Variants in MYL3 observed in about 807,000 individuals in gnomAD.
The protein encoded by MYL3 is myosin light chain 3, also known as CMLC1.
A neutral mutation model predicts 21.3 loss-of-function variants in MYL3; 11 were observed. The ratio of observed to expected loss-of-function variants is 0.52; its 90% CI spans 0.32 to 0.85. The LOEUF (loss-of-function observed/expected upper bound fraction) is 0.85. MYL3 is among the 40% of genes least tolerant of loss of function. The probability of loss-of-function intolerance (pLI) is 0.03; values close to 1 mark genes in which losing one functional copy is unlikely to be tolerated. For synonymous variants in MYL3, 88 were observed against 91.6 expected (o/e 0.96, Z 0.22); for missense variants, 206 against 253.3 (o/e 0.81, Z 1.27).
At chr3:46,858,123 AT>A in intron 6 of MYL3, 22 bp from the exon 7 acceptor site, 3 of 1,307,466 alleles carry the variant, frequency 2.3e-6, no homozygotes, top group Non-Finnish European at 3.3e-6. Flanking sequence ...GGCAGTGCAG[AT>A]TACAGAGGAG....
At chr3:46,875,870 C>A (rs947660543) in intron 1 of MYL3, among the ~76,000 whole-genome samples, 1 of 152,194 alleles carries the variant, frequency 6.6e-6, no homozygotes, top group Admixed American at 6.5e-5. Context: ...CGGAGGGGGC[C>A]GGGCCCGAGT....
chr3:46,875,142 G>A (rs1025910437), intron 1 of MYL3, among the ~76,000 whole-genome samples: 24 of 152,224 alleles, frequency 1.6e-4, no homozygotes, highest in Non-Finnish European at 7.3e-5. Flanking sequence ...ATTGAACACT[G>A]TTGCTGCCTC....
Position 46,863,302 on chromosome 3 carries a change from T to G in MYL3, c.89A>C (p.Glu30Ala). ...ATCAAACTCGACCTCCTTAGGGCGC[T>G]CAGGCTCAGGGGGAGGTGCGGGAGC... ...APAPAPPPEP[E>A]RPKEVEFDAS... Residue 30 changes from glutamate to alanine, a missense_variant, in exon 1 of 7, where the codon GAG (glutamate) becomes GCG (alanine). Glu to Ala is a moderately radical substitution (Grantham distance 107, BLOSUM62 -1). Coordinates refer to ENST00000292327, the MANE Select transcript of MYL3 (RefSeq NM_000258.3). The G allele has an allele frequency of 6.2e-7, 1 of 1,614,130 alleles. No homozygotes were observed.
In MYL3 at chr3:46,882,091, C is replaced by T. The variant is rs2030613321; in HGVS notation, c.-235G>A. On this transcript the variant is annotated 5_prime_UTR_variant, in exon 1 of 4. Coordinates refer to the MYL3 transcript ENST00000431168. The surrounding 1 kb of genome is among the most constrained non-coding windows in gnomAD (Gnocchi z 4.3). Reference sequence around the variant, plus strand: ...GCACTCACATCCCGCCGCCGTAAGACTCCGGGCCTCGGCCTCTAGCGCAAT... The same window carrying T: ...GCACTCACATCCCGCCGCCGTAAGATTCCGGGCCTCGGCCTCTAGCGCAAT... 6.6e-6 allele frequency: 1 copy of T among 152,176 alleles called. No homozygotes were observed. 9.4% of individuals were successfully genotyped at this position (152,176 alleles called of 1,614,324 possible). A position where few individuals can be genotyped will look rare whatever the true frequency, so the allele number is the denominator to read the frequency against.
chr3:46,878,358 C>T (rs375293517), intron 1 of MYL3, among the ~76,000 whole-genome samples: 13 of 152,236 alleles, frequency 8.5e-5, no homozygotes, highest in African/African-American at 3.1e-4. Flanking sequence ...GCCTAGAAGC[C>T]GAGAGAGGTC....
upstream of MYL3, chr3:46,866,729 G>A (rs1339972781): frequency 6.6e-6 from 1 of 152,246 alleles, no homozygotes; most frequent in Admixed American, 6.5e-5. Context: ...CGGAGAGATG[G>A]GGAGATTTGC....
chr3:46,861,660 G>T lies in MYL3; in HGVS notation c.130-673C>A, dbSNP rs1701994037. 6.6e-6 allele frequency among the ~76,000 whole-genome samples: 1 copy of T among 152,158 alleles called. No individual in the cohort carries two copies. The highest frequency in any genetic ancestry group is 2.1e-4 in the South Asian group (1 of 4,822). On this transcript the variant is annotated intron_variant, in intron 1 of 6. Transcript: ENST00000292327. The surrounding 1 kb of genome is among the most constrained non-coding windows in gnomAD (Gnocchi z 4.2). Reference sequence around the variant, plus strand: ...GACAGCACAGGGCCAGGGCAGTGCTGCTGAGTGTTTGCTGAAGTCACATTG... The same window carrying T: ...GACAGCACAGGGCCAGGGCAGTGCTTCTGAGTGTTTGCTGAAGTCACATTG...
At chr3:46,863,938 T>C (rs1011767583), upstream of MYL3, among the ~76,000 whole-genome samples, 5 of 151,802 alleles carry the variant, frequency 3.3e-5, no homozygotes, top group African/African-American at 4.8e-5. Context: ...GAAGTCAGCA[T>C]GTGTCTGTGT....
intron 1 of MYL3, chr3:46,880,206 GT>G (rs1175551040): frequency 6.6e-6 from 1 of 152,286 alleles, no homozygotes. Context: ...AACGGAGGAT[GT>G]GGGCACACAA....
Position 46,859,769 on chromosome 3 carries a change from T to C in MYL3, c.308-121A>G. 8.5e-7 allele frequency: 1 copy of C among 1,179,624 alleles called. No individual in the cohort carries two copies. The highest frequency in any genetic ancestry group is 1.3e-6 in the Non-Finnish European group (1 of 793,802). The allele number at this position is 1,179,624 out of a possible 1,614,324, so 73.1% of individuals were successfully genotyped here. A position where few individuals can be genotyped will look rare whatever the true frequency, so the allele number is the denominator to read the frequency against. ...ACAGTTCTACAACAGTCTACACCAG[T>C]TCTCACAGCAGTCTACACCAGTTTG... On this transcript the variant is annotated intron_variant, in intron 3 of 6. Coordinates refer to ENST00000292327, the MANE Select transcript of MYL3 (RefSeq NM_000258.3). This position sits in a 1 kb window ranked among gnomAD's most constrained non-coding sequence, Gnocchi z 4.1.
In MYL3 at chr3:46,860,952, C is replaced by G. The variant is rs777555567; in HGVS notation, c.157+8G>C. The stretch of plus-strand genomic sequence containing the variant: ...CCTGCAACCCCTGGGTTCAAGACCC[C>G]TGCTCACCTTCAATCTGCTCAGGTG... On this transcript the variant is annotated splice_region_variant and intron_variant, in intron 2 of 6. Transcript: ENST00000292327. This position sits in a 1 kb window ranked among gnomAD's most constrained non-coding sequence, Gnocchi z 4.6. 74 of 1,614,138 alleles carry G rather than the reference C, an allele frequency of 4.6e-5. No individual in the cohort carries two copies. The Admixed American group carries it at 1.2e-3, about 27-fold the overall frequency.
rs375395589 is a variant in MYL3, at chr3:46,860,672, C to A, written c.307+4G>T. The A allele has an allele frequency of 1.9e-6, 3 of 1,613,422 alleles. No homozygotes were observed. Among genetic ancestry groups the A allele is most frequent in the Non-Finnish European group, 1.7e-6 (2 of 1,180,034 alleles). Reference sequence around the variant, plus strand: ...CTATGGGGGCTCTCGGGCAGGTGCACTACCTTCCTGTCTTGGCTTCCCCAG... The same window carrying A: ...CTATGGGGGCTCTCGGGCAGGTGCAATACCTTCCTGTCTTGGCTTCCCCAG... On this transcript the variant is annotated splice_donor_region_variant and intron_variant, in intron 3 of 6. Coordinates refer to ENST00000292327, the MANE Select transcript of MYL3 (RefSeq NM_000258.3). The surrounding 1 kb of genome is among the most constrained non-coding windows in gnomAD (Gnocchi z 4.6).
chr3:46,870,931 C>T (rs528615214), intron 1 of MYL3, among the ~76,000 whole-genome samples: 11 of 152,176 alleles, frequency 7.2e-5, no homozygotes, highest in Non-Finnish European at 1.2e-4. Flanking sequence ...AGAGCAGGCA[C>T]GCTGTACCAC....
chr3:46,860,026 G>C lies in MYL3; in HGVS notation c.308-378C>G, dbSNP rs979565194. ...GGGTCAGGAGCAGCTAGGCCAATCA[G>C]AGACCTTCCCTGGGACTTTTGAACC... On this transcript the variant is annotated intron_variant, in intron 3 of 6. Coordinates refer to ENST00000292327, the MANE Select transcript of MYL3 (RefSeq NM_000258.3). The surrounding 1 kb of genome is among the most constrained non-coding windows in gnomAD (Gnocchi z 4.6). Among the ~76,000 whole-genome samples the C allele has an allele frequency of 3.3e-5, 5 of 151,378 alleles. No homozygotes were observed. The highest frequency in any genetic ancestry group is 5.9e-5 in the Non-Finnish European group (4 of 67,980).
Position 46,874,698 on chromosome 3 carries a change from C to T in MYL3, c.-218+7376G>A, listed in dbSNP as rs973393239. Among the ~76,000 whole-genome samples, 2 of 152,168 alleles carry T rather than the reference C, an allele frequency of 1.3e-5. No homozygotes were observed. Among genetic ancestry groups the T allele is most frequent in the Admixed American group, 6.5e-5 (1 of 15,290 alleles). Reference sequence around the variant, plus strand: ...GAGAGGCGGAAACACGTGTCAAACACGCCTGGGAGGGGGTATTCCGAGGCA... The same window carrying T: ...GAGAGGCGGAAACACGTGTCAAACATGCCTGGGAGGGGGTATTCCGAGGCA... On this transcript the variant is annotated intron_variant, in intron 1 of 3. Transcript: ENST00000431168. The surrounding 1 kb of genome is among the most constrained non-coding windows in gnomAD (Gnocchi z 4.1).
rs911119001 is a variant in MYL3 at position 46,858,230 on chromosome 3, C to T, written c.*13+1G>A. The T allele has an allele frequency of 2.5e-6, 4 of 1,614,120 alleles. No individual in the cohort carries two copies. Among genetic ancestry groups the T allele is most frequent in the Non-Finnish European group, 3.4e-6 (4 of 1,180,000 alleles). ...GGGTTCAGGAGGGAGTGGGTGCCTA[C>T]CTGGGCACGAGGTTTAGCTGGACAT... On this transcript the variant is annotated splice_donor_variant, in intron 6 of 6. Coordinates refer to ENST00000292327, the MANE Select transcript of MYL3 (RefSeq NM_000258.3). LOFTEE classifies it low-confidence loss of function (3UTR_SPLICE).
In MYL3 at chr3:46,861,088, C is replaced by A; in HGVS notation, c.130-101G>T. 7.9e-6 allele frequency: 11 copies of A among 1,385,942 alleles called. No homozygotes were observed. Among genetic ancestry groups the A allele is most frequent in the Non-Finnish European group, 1.1e-5 (11 of 978,562 alleles). The allele number at this position is 1,385,942 out of a possible 1,614,324, so 85.9% of individuals were successfully genotyped here. A position where few individuals can be genotyped will look rare whatever the true frequency, so the allele number is the denominator to read the frequency against. On this transcript the variant is annotated intron_variant, in intron 1 of 6. Coordinates refer to ENST00000292327, the MANE Select transcript of MYL3 (RefSeq NM_000258.3). The surrounding 1 kb of genome is among the most constrained non-coding windows in gnomAD (Gnocchi z 4.2). ...CAGCCCAGAATGTCAACTGTCTCAGCCTGTCCCATTCCAGCATCCCAGCCT... is the reference window on the plus strand; with the variant it reads ...CAGCCCAGAATGTCAACTGTCTCAGACTGTCCCATTCCAGCATCCCAGCCT...
intron 1 of MYL3, among the ~76,000 whole-genome samples, chr3:46,881,920 G>T (rs894479963): frequency 2.0e-5 from 3 of 152,148 alleles, no homozygotes; most frequent in Non-Finnish European, 2.9e-5. Context: ...CTCGGCTCAG[G>T]GTCTCTATTC....
In MYL3 at chr3:46,868,959, G is replaced by A. The variant is rs1357381424; in HGVS notation, c.-217-2359C>T. 3.9e-5 allele frequency among the ~76,000 whole-genome samples: 6 copies of A among 152,340 alleles called. No individual in the cohort carries two copies. The East Asian group carries it at 9.6e-4, about 24-fold the overall frequency. On this transcript the variant is annotated intron_variant, in intron 1 of 3. Transcript: ENST00000431168. Reference sequence around the variant, plus strand: ...CTGGATGGGTGAGGTTCGGGATACCGGGGTCTGGGATGGGAGGAGGGGGTG... The same window carrying A: ...CTGGATGGGTGAGGTTCGGGATACCAGGGTCTGGGATGGGAGGAGGGGGTG...
Sources: allele counts gnomAD v4.1 joint callset (sites outside exome capture counted in the v4.1 genomes callset), GRCh38; gene constraint gnomAD v4.1.1; non-coding constraint Gnocchi (gnomAD v3.1); transcripts MANE v1.5; gene names NCBI Gene and HGNC (gene_info 2026-07-23, HGNC 2026-07-21).